The following SLC45A4 variants were observed in gnomAD, a reference collection of about 807,000 sequenced individuals.
The protein encoded by SLC45A4 is polyamine-transporter SLC45A4.
SLC45A4 carries 32 observed loss-of-function variants against 63.7 expected under a neutral mutation model. The ratio of observed to expected loss-of-function variants is 0.50; its 90% CI spans 0.38 to 0.67. SLC45A4 has a LOEUF of 0.67. SLC45A4 is among the 30% of genes least tolerant of loss of function. The pLI is 0.00. For synonymous variants in SLC45A4, 535 were observed against 510.0 expected (o/e 1.05, Z -0.66); for missense variants, 1,027 against 1,157.7 (o/e 0.89, Z 1.64).
At chr8:141,281,529 C>CG (rs1829945693) in intron 1 of SLC45A4, among the ~76,000 whole-genome samples, 1 of 152,212 alleles carries the variant, frequency 6.6e-6, no homozygotes, top group Non-Finnish European at 1.5e-5. Flanking sequence ...TAAAGCTCCG[C>CG]GGCAGCACGT....
chr8:141,208,320 C>G lies in SLC45A4; in HGVS notation c.*3252G>C, dbSNP rs965959689. 2 of 152,214 alleles carry G rather than the reference C, an allele frequency of 1.3e-5. No homozygotes were observed. Among genetic ancestry groups the G allele is most frequent in the African/African-American group, 4.8e-5 (2 of 41,430 alleles). The allele number at this position is 152,214 out of a possible 1,614,324, so 9.4% of individuals were successfully genotyped here. A position where few individuals can be genotyped will look rare whatever the true frequency, so the allele number is the denominator to read the frequency against. ...TGTCACCCGAACATCACCGCCCCAG[C>G]AGTGGGAGAGCCGAGGGTGGCCTGC... On this transcript the variant is annotated 3_prime_UTR_variant, in exon 9 of 9. Coordinates refer to ENST00000517878, the MANE Select transcript of SLC45A4 (RefSeq NM_001286646.2).
intron 2 of SLC45A4, chr8:141,225,596 C>G (rs988149422): frequency 6.6e-6 from 1 of 152,430 alleles, no homozygotes; most frequent in Non-Finnish European, 1.5e-5. Context: ...AGGCCTGTCC[C>G]GCCTTTGTGC....
rs117562742 is a variant in SLC45A4, at chr8:141,276,902, C to T, written c.-400-22273G>A. ...GCGGGCTCCTCAGCTGAAGATATCA[C>T]GGGCACCTTTCCAACTCATTAATTC... On this transcript the variant is annotated intron_variant, in intron 1 of 8. Transcript: ENST00000517878. Among the ~76,000 whole-genome samples the T allele has an allele frequency of 6.6e-5, 10 of 152,362 alleles. No homozygotes were observed. The East Asian group carries it at 1.2e-3, about 18-fold the overall frequency.
At chr8:141,297,953 A>T (rs1426132394) in intron 1 of SLC45A4, among the ~76,000 whole-genome samples, 15 of 150,690 alleles carry the variant, frequency 1.0e-4, no homozygotes, top group Admixed American at 9.9e-4. Context: ...AAAACAAAAA[A>T]CCTTCTCCAT....
chr8:141,285,141 G>C (rs569738785), intron 1 of SLC45A4, among the ~76,000 whole-genome samples: 2 of 152,208 alleles, frequency 1.3e-5, no homozygotes, highest in African/African-American at 4.8e-5. Context: ...GATCCAGCAC[G>C]GACTGAGGGC....
chr8:141,223,236 T>C (rs887241435), intron 2 of SLC45A4, among the ~76,000 whole-genome samples: 5 of 152,212 alleles, frequency 3.3e-5, no homozygotes, highest in Non-Finnish European at 5.9e-5. Flanking sequence ...GAAGGGTACA[T>C]TTTATTCCTA....
chr8:141,283,484 G>A (rs969467037), intron 1 of SLC45A4, among the ~76,000 whole-genome samples: 4 of 152,190 alleles, frequency 2.6e-5, no homozygotes, highest in Admixed American at 6.5e-5. Context: ...AAGGCTTCTC[G>A]CACTGCATCC....
At chr8:141,230,922 G>A (rs578204263) in intron 2 of SLC45A4, among the ~76,000 whole-genome samples, 1 of 152,320 alleles carries the variant, frequency 6.6e-6, no homozygotes, top group East Asian at 1.9e-4. Flanking sequence ...CCAGGAATGC[G>A]GATGCTGGGG....
chr8:141,275,003 G>C (rs992954672), intron 1 of SLC45A4, among the ~76,000 whole-genome samples: 1 of 152,248 alleles, frequency 6.6e-6, no homozygotes, highest in East Asian at 1.9e-4. Flanking sequence ...GTGCTCTCCT[G>C]TCTTCATGCA....
intron 1 of SLC45A4, among the ~76,000 whole-genome samples, chr8:141,307,661 G>A (rs553124082): frequency 6.6e-6 from 1 of 152,214 alleles, no homozygotes; most frequent in Admixed American, 6.5e-5. Context: ...AGCAGGCAGG[G>A]GTTAGAAGGA....
chr8:141,307,421 G>A (rs1009920389), intron 1 of SLC45A4, among the ~76,000 whole-genome samples: 2 of 152,168 alleles, frequency 1.3e-5, no homozygotes, highest in Non-Finnish European at 2.9e-5. Context: ...TGAGACCGGG[G>A]CAGAGCCACA....
At chr8:141,239,523 G>A (rs896794786) in intron 2 of SLC45A4, among the ~76,000 whole-genome samples, 2 of 152,044 alleles carry the variant, frequency 1.3e-5, no homozygotes, top group African/African-American at 4.8e-5. Flanking sequence ...CAACTGCTTA[G>A]TCACCTGCTT....
chr8:141,244,953 T>TGGGGG (rs1332452740), intron 2 of SLC45A4, among the ~76,000 whole-genome samples: 1 of 27,758 alleles, frequency 3.6e-5, no homozygotes, highest in African/African-American at 3.2e-4. Context: ...CAAGAAGACG[T>TGGGGG]GGGTGGGGGG....
chr8:141,307,671 A>G (rs1830941243), intron 1 of SLC45A4, among the ~76,000 whole-genome samples: 1 of 151,984 alleles, frequency 6.6e-6, no homozygotes, highest in Non-Finnish European at 1.5e-5. Flanking sequence ...GGTTAGAAGG[A>G]CAAGACAGGG....
chr8:141,293,545 A>G (rs1440668461), intron 1 of SLC45A4, among the ~76,000 whole-genome samples: 1 of 152,232 alleles, frequency 6.6e-6, no homozygotes, highest in Non-Finnish European at 1.5e-5. Context: ...CAGTGTGGCA[A>G]TGTCTGCCTT....
At chr8:141,305,048 G>A (rs1473770548) in intron 1 of SLC45A4, among the ~76,000 whole-genome samples, 2 of 152,140 alleles carry the variant, frequency 1.3e-5, no homozygotes, top group Non-Finnish European at 2.9e-5. Flanking sequence ...GGGTAGAGAA[G>A]ATTCATTTCC....
At chr8:141,245,632 A>G (rs1003201849) in intron 2 of SLC45A4, among the ~76,000 whole-genome samples, 6 of 151,846 alleles carry the variant, frequency 4.0e-5, no homozygotes, top group African/African-American at 1.5e-4. Context: ...ACAACTCCCA[A>G]CCTGCCGCTC....
At position 141,238,332 on chromosome 8, in the gene SLC45A4, G is replaced by A. The variant is rs112077657; in HGVS notation, c.241+15657C>T. On this transcript the variant is annotated intron_variant, in intron 2 of 8. Transcript: ENST00000517878. Reference sequence around the variant, plus strand: ...ATTGTGATCAAATATACACAACATCGAATTGACCTTTTTAATCCCTGTGAG... The same window carrying A: ...ATTGTGATCAAATATACACAACATCAAATTGACCTTTTTAATCCCTGTGAG... Among the ~76,000 whole-genome samples, 737 of 152,034 alleles carry A rather than the reference G, an allele frequency of 4.8e-3. 10 individuals are homozygous for A. The highest frequency in any genetic ancestry group is 0.017 in the African/African-American group (694 of 41,436).
chr8:141,286,637 A>C (rs1462961260), intron 1 of SLC45A4, among the ~76,000 whole-genome samples: 1 of 151,472 alleles, frequency 6.6e-6, no homozygotes, highest in Non-Finnish European at 1.5e-5. Flanking sequence ...CCTGCCCCCC[A>C]GAAATGTGAC....
Sources: gnomAD v4.1 joint callset for allele counts (sites outside exome capture counted in the v4.1 genomes callset) on GRCh38, gnomAD v4.1.1 for gene constraint, MANE v1.5 for transcripts, NCBI Gene and HGNC (gene_info 2026-07-23, HGNC 2026-07-21) for gene names.